The following ZFPM2 variants were observed in gnomAD, a reference collection of about 807,000 sequenced individuals.
ZFPM2 encodes zinc finger protein, FOG family member 2.
Under a neutral mutation model 98.6 loss-of-function variants are expected in ZFPM2, and 20 were observed. The observed-to-expected ratio is 0.20, with a 90% CI of 0.14 to 0.29. The LOEUF (loss-of-function observed/expected upper bound fraction) is 0.29. Among genes scored for constraint, ZFPM2 ranks in the 10% least tolerant of loss-of-function variants. The probability of loss-of-function intolerance (pLI) is 1.00; values close to 1 mark genes in which losing one functional copy is unlikely to be tolerated. For synonymous variants in ZFPM2, 518 were observed against 502.7 expected (o/e 1.03, Z -0.41); for missense variants, 1,310 against 1,388.6 (o/e 0.94, Z 0.90).
intron 3 of ZFPM2, among the ~76,000 whole-genome samples, chr8:105,467,201 C>T (rs1812811328): frequency 6.6e-6 from 1 of 152,046 alleles, no homozygotes; most frequent in African/African-American, 2.4e-5. Flanking sequence ...CCCACAATTC[C>T]TAAATATATT....
chr8:105,648,430 T>C (rs1457383599), intron 5 of ZFPM2, among the ~76,000 whole-genome samples: 2 of 152,200 alleles, frequency 1.3e-5, no homozygotes, highest in African/African-American at 4.8e-5. Flanking sequence ...GCTTTTGGTG[T>C]TTTAGACATG....
intron 3 of ZFPM2, among the ~76,000 whole-genome samples, chr8:105,555,166 A>G (rs2130676925): frequency 6.6e-6 from 1 of 152,192 alleles, no homozygotes; most frequent in East Asian, 1.9e-4. Context: ...GATAAGAGAA[A>G]CAGCCCTGAG....
At chr8:105,348,092 A>T (rs905940161) in intron 1 of ZFPM2, among the ~76,000 whole-genome samples, 1 of 152,212 alleles carries the variant, frequency 6.6e-6, no homozygotes, top group African/African-American at 2.4e-5. Context: ...AAGTTCTAAC[A>T]GTTATTTCTT....
chr8:105,644,983 T>G (rs2130857353), intron 5 of ZFPM2, among the ~76,000 whole-genome samples: 1 of 152,330 alleles, frequency 6.6e-6, no homozygotes, highest in African/African-American at 2.4e-5. Flanking sequence ...CAGTTATCTT[T>G]ATATTTGATA....
At chr8:105,776,290 T>C (rs1439840256) in intron 5 of ZFPM2, among the ~76,000 whole-genome samples, 1 of 152,174 alleles carries the variant, frequency 6.6e-6, no homozygotes, top group Non-Finnish European at 1.5e-5. Context: ...GCTAATTATA[T>C]AGATTAATGA....
At chr8:105,388,417 T>G (rs889750901) in intron 1 of ZFPM2, among the ~76,000 whole-genome samples, 4 of 152,202 alleles carry the variant, frequency 2.6e-5, no homozygotes, top group Admixed American at 6.5e-5. Flanking sequence ...TAAAAATGAC[T>G]TGCAGTATAA....
intron 3 of ZFPM2, among the ~76,000 whole-genome samples, chr8:105,508,288 A>G (rs1421627599): frequency 6.6e-6 from 1 of 152,000 alleles, no homozygotes; most frequent in Non-Finnish European, 1.5e-5. Context: ...CCTGCTGGAA[A>G]CTTATCAGCT....
intron 5 of ZFPM2, among the ~76,000 whole-genome samples, chr8:105,757,881 C>T (rs143022237): frequency 5.7e-4 from 86 of 152,192 alleles, no homozygotes; most frequent in African/African-American, 1.9e-3. Context: ...ACCCACTTTC[C>T]TCATTGTTCA....
At position 105,801,043 on chromosome 8, in the gene ZFPM2, C is replaced by A; in HGVS notation, c.965-4C>A. 2 of 1,610,412 alleles carry A rather than the reference C, an allele frequency of 1.2e-6. No individual in the cohort carries two copies. Among genetic ancestry groups the A allele is most frequent in the Non-Finnish European group, 1.7e-6 (2 of 1,177,712 alleles). On this transcript the variant is annotated splice_polypyrimidine_tract_variant and splice_region_variant and intron_variant, in intron 7 of 7. Coordinates refer to ENST00000407775, the MANE Select transcript of ZFPM2 (RefSeq NM_012082.4). ...CATTGTTCTTATTTTGTATGTCTCT[C>A]TAGGAGTGAAAATGGAAGAATTCCT...
intron 1 of ZFPM2, among the ~76,000 whole-genome samples, chr8:105,401,796 T>G (rs1383107546): frequency 1.3e-5 from 2 of 152,168 alleles, no homozygotes; most frequent in Admixed American, 1.3e-4. Flanking sequence ...ATTTTAAAAT[T>G]ATATTTAATT....
At chr8:105,584,776 C>CA in intron 4 of ZFPM2, among the ~76,000 whole-genome samples, 1 of 152,124 alleles carries the variant, frequency 6.6e-6, no homozygotes, top group South Asian at 2.1e-4. Flanking sequence ...TATGAGGTAT[C>CA]TGACAGTGGT....
intron 5 of ZFPM2, among the ~76,000 whole-genome samples, chr8:105,645,924 A>G (rs147353803): frequency 0.015 from 2,279 of 151,918 alleles, 48 homozygotes; most frequent in African/African-American, 0.05. Flanking sequence ...ATGGTGGCAC[A>G]CACCTGTAGT....
At chr8:105,339,275 C>CA (rs1554595775) in intron 1 of ZFPM2, among the ~76,000 whole-genome samples, 1 of 151,734 alleles carries the variant, frequency 6.6e-6, no homozygotes, top group Non-Finnish European at 1.5e-5. Context: ...GTTGTTCCAT[C>CA]TTTTTTTGCT....
intron 5 of ZFPM2, among the ~76,000 whole-genome samples, chr8:105,776,841 T>C (rs1813117010): frequency 6.6e-6 from 1 of 152,320 alleles, no homozygotes; most frequent in South Asian, 2.1e-4. Context: ...ATATTCCATA[T>C]CCTATAAAAT....
intron 4 of ZFPM2, among the ~76,000 whole-genome samples, chr8:105,618,674 A>T (rs1339686461): frequency 6.6e-6 from 1 of 152,140 alleles, no homozygotes; most frequent in Non-Finnish European, 1.5e-5. Context: ...AATCACCAAA[A>T]TGACCCTATG....
intron 5 of ZFPM2, among the ~76,000 whole-genome samples, chr8:105,730,905 G>T (rs1471333542): frequency 6.6e-6 from 1 of 151,204 alleles, no homozygotes. Flanking sequence ...ATGTTAAGAG[G>T]CAAGGATAAG....
At chr8:105,483,059 C>G (rs561590517) in intron 3 of ZFPM2, among the ~76,000 whole-genome samples, 7 of 119,856 alleles carry the variant, frequency 5.8e-5, no homozygotes, top group South Asian at 5.6e-4. Context: ...CAGGATCTTG[C>G]TATGTTGCCC....
At chr8:105,363,991 A>G (rs1810456019) in intron 1 of ZFPM2, among the ~76,000 whole-genome samples, 1 of 151,990 alleles carries the variant, frequency 6.6e-6, no homozygotes, top group South Asian at 2.1e-4. Flanking sequence ...TTTTTTCTAG[A>G]AAAGAAAATT....
At chr8:105,523,655 G>T (rs149917778) in intron 3 of ZFPM2, among the ~76,000 whole-genome samples, 1 of 152,236 alleles carries the variant, frequency 6.6e-6, no homozygotes, top group East Asian at 1.9e-4. Flanking sequence ...CCCTACCTCC[G>T]TGCCAGTGGT....
Sources: gnomAD v4.1 joint callset for allele counts (sites outside exome capture counted in the v4.1 genomes callset) on GRCh38, gnomAD v4.1.1 for gene constraint, MANE v1.5 for transcripts, NCBI Gene and HGNC (gene_info 2026-07-23, HGNC 2026-07-21) for gene names.